The following SESTD1 variants were observed in gnomAD, a reference collection of about 807,000 sequenced individuals.
The protein encoded by SESTD1 is SEC14 domain and spectrin repeat-containing protein 1.
SESTD1 carries 43 observed loss-of-function variants against 101.7 expected under a neutral mutation model. The observed-to-expected ratio is 0.42, with a 90% CI of 0.33 to 0.55. The LOEUF (loss-of-function observed/expected upper bound fraction) is 0.55. Among genes scored for constraint, SESTD1 ranks in the 20% least tolerant of loss-of-function variants. The pLI, the probability that SESTD1 is intolerant of heterozygous loss-of-function variation, is 0.07. For synonymous variants in SESTD1, 283 were observed against 286.8 expected (o/e 0.99, Z 0.13); for missense variants, 647 against 815.1 (o/e 0.79, Z 2.51).
chr2:179,107,803 G>A lies in SESTD1; in HGVS notation c.*2096C>T, dbSNP rs528729917. ...TCCTTCCCTCAAAAGAGCTTACTGG[G>A]TACAGACATAAACAACTGTAGAATG... is the stretch of plus-strand genomic sequence containing the variant. On this transcript the variant is annotated 3_prime_UTR_variant, in exon 18 of 18. Transcript: ENST00000428443. The A allele has an allele frequency of 1.3e-5, 2 of 152,206 alleles. No homozygotes were observed. The highest frequency in any genetic ancestry group is 3.9e-4 in the East Asian group (2 of 5,176). 9.4% of individuals were successfully genotyped at this position (152,206 alleles called of 1,614,324 possible).
intron 9 of SESTD1, among the ~76,000 whole-genome samples, chr2:179,142,547 A>G (rs1041254448): frequency 2.6e-5 from 4 of 152,182 alleles, no homozygotes; most frequent in Admixed American, 1.3e-4. Flanking sequence ...CTATGACTCA[A>G]AAAGGCCATC....
rs1246339131 is a variant in SESTD1, at chr2:179,111,388, G to A, written c.1961+1336C>T. Reference sequence around the variant, plus strand: ...TTATTATGTGTCAGATCTGTTTTAAGTACTTTATACTTATTTAGCTCAGGT... The same window carrying A: ...TTATTATGTGTCAGATCTGTTTTAAATACTTTATACTTATTTAGCTCAGGT... On this transcript the variant is annotated intron_variant, in intron 17 of 17. Coordinates refer to ENST00000428443, the MANE Select transcript of SESTD1 (RefSeq NM_178123.5). Among the ~76,000 whole-genome samples, 3 of 152,164 alleles carry A rather than the reference G, an allele frequency of 2.0e-5. 1 individual carries two copies. In the East Asian group the frequency reaches 5.8e-4, roughly 29 times the overall value.
In SESTD1 at chr2:179,207,058, G is replaced by C. The variant is rs771299410; in HGVS notation, c.-25-15192C>G. 2.0e-4 allele frequency among the ~76,000 whole-genome samples: 26 copies of C among 132,930 alleles called. 6 individuals carry two copies. Among genetic ancestry groups the C allele is most frequent in the Non-Finnish European group, 3.9e-4 (24 of 62,188 alleles). 87.2% of individuals were successfully genotyped at this position (132,930 alleles called of 152,430 possible). A position where few individuals can be genotyped will look rare whatever the true frequency, so the allele number is the denominator to read the frequency against. ...GTGACCACAGAAACCCCCACCCAAA[G>C]AGAGTCGGAGCTCAGACTAGTCTAA... On this transcript the variant is annotated intron_variant, in intron 1 of 17. Coordinates refer to ENST00000428443, the MANE Select transcript of SESTD1 (RefSeq NM_178123.5).
chr2:179,173,031 G>A (rs918663140), intron 4 of SESTD1, among the ~76,000 whole-genome samples: 3 of 152,092 alleles, frequency 2.0e-5, no homozygotes, highest in African/African-American at 7.2e-5. Context: ...TCAGGCCCCT[G>A]TTGGCCTCTC....
At chr2:179,247,709 G>C (rs919201021) in intron 1 of SESTD1, among the ~76,000 whole-genome samples, 3 of 151,880 alleles carry the variant, frequency 2.0e-5, no homozygotes, top group Admixed American at 2.0e-4. Context: ...CAAAGGGCTA[G>C]GGTTATAGGC....
At chr2:179,245,871 A>G (rs2047222194) in intron 1 of SESTD1, among the ~76,000 whole-genome samples, 1 of 152,234 alleles carries the variant, frequency 6.6e-6, no homozygotes, top group African/African-American at 2.4e-5. Flanking sequence ...ATTAAAAAAC[A>G]TCACCCAACT....
intron 1 of SESTD1, among the ~76,000 whole-genome samples, chr2:179,240,018 G>A (rs1480850102): frequency 1.3e-5 from 2 of 152,160 alleles, no homozygotes; most frequent in Non-Finnish European, 2.9e-5. Flanking sequence ...CTAACAGCTT[G>A]CAGATTACAA....
chr2:179,193,469 T>C (rs1356027437), intron 1 of SESTD1, among the ~76,000 whole-genome samples: 1 of 152,210 alleles, frequency 6.6e-6, no homozygotes, highest in Non-Finnish European at 1.5e-5. Flanking sequence ...TATCCAGTTA[T>C]ACAAGAACCC....
chr2:179,220,945 A>G (rs2046805793), intron 1 of SESTD1, among the ~76,000 whole-genome samples: 1 of 152,236 alleles, frequency 6.6e-6, no homozygotes, highest in South Asian at 2.1e-4. Context: ...ACAGAGGTTC[A>G]GATGTATTTC....
chr2:179,219,630 C>T (rs1375812121), intron 1 of SESTD1, among the ~76,000 whole-genome samples: 1 of 152,192 alleles, frequency 6.6e-6, no homozygotes, highest in Non-Finnish European at 1.5e-5. Flanking sequence ...TCCACATATT[C>T]ATATATAAAA....
chr2:179,148,293 T>C (rs2045439738), intron 7 of SESTD1, among the ~76,000 whole-genome samples: 1 of 152,226 alleles, frequency 6.6e-6, no homozygotes, highest in South Asian at 2.1e-4. Context: ...TCACATTTCC[T>C]AATGAAAAAT....
intron 5 of SESTD1, among the ~76,000 whole-genome samples, chr2:179,155,600 A>C (rs1236993044): frequency 1.3e-5 from 2 of 151,808 alleles, no homozygotes; most frequent in African/African-American, 4.8e-5. Flanking sequence ...CAGGCAACAG[A>C]GTGAGATTCT....
intron 13 of SESTD1, among the ~76,000 whole-genome samples, chr2:179,119,009 T>G (rs1301836783): frequency 6.6e-6 from 1 of 152,174 alleles, no homozygotes; most frequent in Non-Finnish European, 1.5e-5. Context: ...CATGATGCTT[T>G]CAGGGAGATA....
At chr2:179,189,534 C>G (rs1185224187) in intron 2 of SESTD1, among the ~76,000 whole-genome samples, 1 of 152,072 alleles carries the variant, frequency 6.6e-6, no homozygotes, top group Non-Finnish European at 1.5e-5. Context: ...CCACTCTCAC[C>G]ACTTGTATTC....
intron 9 of SESTD1, among the ~76,000 whole-genome samples, chr2:179,136,436 CAG>C (rs1575434688): frequency 1.3e-5 from 2 of 152,166 alleles, no homozygotes; most frequent in East Asian, 1.9e-4. Flanking sequence ...CTTTAAGAAA[CAG>C]AAATAAAAAG....
At chr2:179,233,237 T>G (rs2047011216) in intron 1 of SESTD1, among the ~76,000 whole-genome samples, 1 of 152,236 alleles carries the variant, frequency 6.6e-6, no homozygotes, top group South Asian at 2.1e-4. Context: ...TGAGTTCCAG[T>G]AAGTGGGTTT....
At chr2:179,235,857 C>T (rs10196577) in intron 1 of SESTD1, among the ~76,000 whole-genome samples, 27,655 of 152,158 alleles carry the variant, frequency 0.18, 2,918 homozygotes, top group South Asian at 0.29. Flanking sequence ...ACTCTCTGAA[C>T]TTGCAATACT....
chr2:179,126,021 A>G (rs945156970), intron 10 of SESTD1, among the ~76,000 whole-genome samples: 2 of 152,158 alleles, frequency 1.3e-5, no homozygotes, highest in African/African-American at 4.8e-5. Flanking sequence ...GTCTCCCATC[A>G]GTTCTTCTGT....
rs2046543012 is a variant in SESTD1 at position 179,203,171 on chromosome 2, GC to G, written c.-25-11306del. Reference sequence around the variant, plus strand: ...AATGACCTTTTTCCCCTTGCAGATAGCCCCCTTGCAGCATGACTCTATACAA... The same window carrying G: ...AATGACCTTTTTCCCCTTGCAGATAGCCCCTTGCAGCATGACTCTATACAA... On this transcript the variant is annotated intron_variant, in intron 1 of 17. Transcript: ENST00000428443. Among the ~76,000 whole-genome samples the G allele has an allele frequency of 1.5e-5, 2 of 134,546 alleles. 1 individual carries two copies. Among genetic ancestry groups the G allele is most frequent in the African/African-American group, 5.9e-5 (2 of 34,014 alleles). 88.3% of individuals were successfully genotyped at this position (134,546 alleles called of 152,430 possible).
Sources: allele counts gnomAD v4.1 joint callset (sites outside exome capture counted in the v4.1 genomes callset), GRCh38; gene constraint gnomAD v4.1.1; transcripts MANE v1.5; gene names NCBI Gene and HGNC (gene_info 2026-07-23, HGNC 2026-07-21).